The following IL1RL2 variants were observed in gnomAD, a reference collection of about 807,000 sequenced individuals.
The protein encoded by IL1RL2 is interleukin-1 receptor-like 2.
A neutral mutation model predicts 66.8 loss-of-function variants in IL1RL2; 68 were observed. That is an observed-to-expected ratio of 1.02 (90% CI 0.84 to 1.25). The LOEUF (loss-of-function observed/expected upper bound fraction) is 1.25. Ranked by LOEUF, IL1RL2 falls within the 50% of genes most tolerant of loss-of-function variation. IL1RL2 has a pLI of 0.00. For synonymous variants in IL1RL2, 305 were observed against 264.6 expected, an observed-to-expected ratio of 1.15 and a Z score of -1.48; for missense variants, 729 against 709.3, an observed-to-expected ratio of 1.03 and a Z score of -0.32.
At chr2:102,233,773 T>G (rs1019907380) in intron 10 of IL1RL2, among the ~76,000 whole-genome samples, 1 of 152,110 alleles carries the variant, frequency 6.6e-6, no homozygotes, top group African/African-American at 2.4e-5. Flanking sequence ...CTCAGCACAC[T>G]TTAGACACTC....
intron 3 of IL1RL2, among the ~76,000 whole-genome samples, chr2:102,190,126 C>T (rs1687104618): frequency 6.6e-6 from 1 of 152,212 alleles, no homozygotes; most frequent in Admixed American, 6.5e-5. Context: ...TAACACAGGC[C>T]TGCTGGTGAC....
chr2:102,204,158 T>C (rs940252981), intron 5 of IL1RL2, among the ~76,000 whole-genome samples: 1 of 152,186 alleles, frequency 6.6e-6, no homozygotes, highest in Admixed American at 6.5e-5. Flanking sequence ...TTCAGAAGCA[T>C]ACTGTTTAAT....
intron 5 of IL1RL2, among the ~76,000 whole-genome samples, chr2:102,210,140 T>C (rs1253119424): frequency 6.6e-6 from 1 of 152,068 alleles, no homozygotes; most frequent in East Asian, 1.9e-4. Flanking sequence ...ATGCTGATGG[T>C]CAGGAAGCAT....
downstream of IL1RL2, among the ~76,000 whole-genome samples, chr2:102,242,021 T>A (rs1185475430): frequency 2.0e-5 from 3 of 152,194 alleles, no homozygotes; most frequent in East Asian, 5.8e-4. Flanking sequence ...TGAGTGAAGT[T>A]CATTCATGAA....
chr2:102,188,668 G>A (rs1014747515), intron 2 of IL1RL2, among the ~76,000 whole-genome samples: 2 of 151,870 alleles, frequency 1.3e-5, no homozygotes, highest in Admixed American at 1.3e-4. Context: ...ATCGTTTTGG[G>A]ATGAAATACC....
chr2:102,224,164 C>T (rs954227469), intron 8 of IL1RL2, among the ~76,000 whole-genome samples: 4 of 152,026 alleles, frequency 2.6e-5, no homozygotes, highest in Admixed American at 6.6e-5. Context: ...TATAGTGGTT[C>T]CTCAAAAAAC....
intron 4 of IL1RL2, among the ~76,000 whole-genome samples, chr2:102,198,698 G>A (rs1057501332): frequency 6.6e-6 from 1 of 151,832 alleles, no homozygotes; most frequent in Non-Finnish European, 1.5e-5. Context: ...TCATCACTGA[G>A]TTCTTTTCCT....
downstream of IL1RL2, among the ~76,000 whole-genome samples, chr2:102,242,818 A>G (rs1675261609): frequency 6.6e-6 from 1 of 152,230 alleles, no homozygotes; most frequent in Admixed American, 6.5e-5. Flanking sequence ...CATCACATGG[A>G]TGTTTAGGTT....
At chr2:102,188,048 A>T (rs1686853334) in intron 2 of IL1RL2, 123 bp downstream of exon 2, 2 of 892,844 alleles carry the variant, frequency 2.2e-6, no homozygotes, top group Admixed American at 3.7e-5. Context: ...CCAGACCGCC[A>T]GGCGGAGTTC....
intron 6 of IL1RL2, among the ~76,000 whole-genome samples, chr2:102,212,953 G>A (rs756435975): frequency 2.6e-5 from 4 of 152,036 alleles, no homozygotes; most frequent in Non-Finnish European, 4.4e-5. Flanking sequence ...GCGACAGAGC[G>A]AGACTCCGTC....
At chr2:102,208,994 A>G (rs570973140) in intron 5 of IL1RL2, among the ~76,000 whole-genome samples, 1 of 152,350 alleles carries the variant, frequency 6.6e-6, no homozygotes, top group South Asian at 2.1e-4. Context: ...CCTGGCCTAG[A>G]CTAGGCACAG....
chr2:102,237,505 G>A (rs1455762736), intron 11 of IL1RL2, among the ~76,000 whole-genome samples: 2 of 152,240 alleles, frequency 1.3e-5, no homozygotes, highest in Non-Finnish European at 2.9e-5. Flanking sequence ...GAACGGCAGC[G>A]AGTGAGGGGA....
chr2:102,217,337 A>G (rs2104823527), intron 6 of IL1RL2, among the ~76,000 whole-genome samples: 1 of 152,314 alleles, frequency 6.6e-6, no homozygotes, highest in East Asian at 1.9e-4. Flanking sequence ...ATCCTACTGA[A>G]AGCAACTTAC....
chr2:102,187,505 G>GT (rs1686788979), intron 1 of IL1RL2, among the ~76,000 whole-genome samples: 1 of 152,142 alleles, frequency 6.6e-6, no homozygotes, highest in Admixed American at 6.5e-5. Flanking sequence ...AGGCTGCGCT[G>GT]GGGGGCGCCC....
chr2:102,222,455 T>A (rs1318321848), intron 8 of IL1RL2, among the ~76,000 whole-genome samples: 1 of 152,174 alleles, frequency 6.6e-6, no homozygotes, highest in Non-Finnish European at 1.5e-5. Context: ...TGCCATACTG[T>A]TCTACAATGT....
chr2:102,214,896 G>A (rs77888935), intron 6 of IL1RL2, among the ~76,000 whole-genome samples: 9 of 152,182 alleles, frequency 5.9e-5, no homozygotes, highest in Non-Finnish European at 5.9e-5. Context: ...ATTTTGACTA[G>A]CGTGTCTGAA....
At chr2:102,241,750 C>T (rs1675236701), downstream of IL1RL2, among the ~76,000 whole-genome samples, 1 of 152,190 alleles carries the variant, frequency 6.6e-6, no homozygotes, top group Non-Finnish European at 1.5e-5. Context: ...ATTAGATAAC[C>T]CACCCAGGGG....
chr2:102,200,790 G>A (rs957670404), intron 4 of IL1RL2, among the ~76,000 whole-genome samples: 2 of 152,022 alleles, frequency 1.3e-5, no homozygotes, highest in Admixed American at 1.3e-4. Flanking sequence ...GTGGTTGCTG[G>A]GAGAGAAAGC....
rs1193561518 is a variant in IL1RL2 at position 102,235,133 on chromosome 2, C to T, written c.1534C>T (p.Arg512Trp). ...CATCAAACAGAAGCATGGTGCCATC[C>T]GGTGGCATGGGGACTTCACGGAGCA... ...QYIKQKHGAI[R>W]WHGDFTEQSQ... Residue 512 changes from arginine to tryptophan, a missense_variant, in exon 11 of 12, where the codon CGG (arginine) becomes TGG (tryptophan). Coordinates refer to ENST00000264257, the MANE Select transcript of IL1RL2 (RefSeq NM_003854.4). The T allele has an allele frequency of 2.5e-6, 4 of 1,614,198 alleles. No individual in the cohort carries two copies. Among genetic ancestry groups the T allele is most frequent in the African/African-American group, 1.3e-5 (1 of 75,046 alleles).
Sources: gnomAD v4.1 joint callset for allele counts (sites outside exome capture counted in the v4.1 genomes callset) on GRCh38, gnomAD v4.1.1 for gene constraint, MANE v1.5 for transcripts, NCBI Gene and HGNC (gene_info 2026-07-23, HGNC 2026-07-21) for gene names.